Variants in PTRH1 observed in about 807,000 individuals in gnomAD.
PTRH1 encodes peptidyl-tRNA hydrolase.
Under a neutral mutation model 15.7 loss-of-function variants are expected in PTRH1, and 13 were observed. The ratio of observed to expected loss-of-function variants is 0.83; its 90% confidence interval spans 0.54 to 1.31. The LOEUF (loss-of-function observed/expected upper bound fraction) is 1.31, where lower values mean the gene tolerates loss of function less well. Among genes scored for constraint, PTRH1 ranks in the 40% most tolerant of loss-of-function variants. PTRH1 has a pLI of 0.00. For synonymous variants in PTRH1, 139 were observed against 136.7 expected (o/e 1.02, Z -0.12); for missense variants, 319 against 296.2 (o/e 1.08, Z -0.56).
chr9:127,705,011 G>T lies in PTRH1; in HGVS notation c.206-9870C>A, dbSNP rs149690737. On this transcript the variant is annotated intron_variant, in intron 1 of 2. Coordinates refer to the PTRH1 transcript ENST00000335223. This position sits in a 1 kb window ranked among gnomAD's most constrained non-coding sequence, Gnocchi z 4.7. ...GATCCTCCCACCTTGGCCTCTCAAA[G>T]TGCTGGGATTATAGGCATGAACCAG... Among the ~76,000 whole-genome samples the T allele has an allele frequency of 6.6e-6, 1 of 152,042 alleles. No individual in the cohort carries two copies. Among genetic ancestry groups the T allele is most frequent in the Non-Finnish European group, 1.5e-5 (1 of 68,026 alleles).
chr9:127,708,071 G>C (rs750438422), intron 1 of PTRH1, among the ~76,000 whole-genome samples: 2 of 152,168 alleles, frequency 1.3e-5, no homozygotes, highest in Non-Finnish European at 2.9e-5. Flanking sequence ...ACCAAGATGG[G>C]AGCCCTGGCC....
intron 1 of PTRH1, among the ~76,000 whole-genome samples, chr9:127,704,247 G>C (rs1261076553): frequency 2.0e-5 from 3 of 152,180 alleles, no homozygotes; most frequent in Non-Finnish European, 2.9e-5. Flanking sequence ...GATCATGCCT[G>C]TAATCCCAGC....
chr9:127,713,490 ATCTTTCTTTTT>A, downstream of PTRH1: 1 of 333,786 alleles, frequency 3.0e-6, no homozygotes, highest in Non-Finnish European at 5.3e-6. Flanking sequence ...CCAAGCCAGC[ATCTTTCTTTTT>A]TTTTTTTTTT....
chr9:127,699,724 A>AG (rs1175015883), intron 1 of PTRH1, among the ~76,000 whole-genome samples: 2 of 152,000 alleles, frequency 1.3e-5, no homozygotes, highest in East Asian at 3.8e-4. Flanking sequence ...GGGAAAAAAA[A>AG]AACAAAAAAA....
At chr9:127,697,738 A>T (rs1407197214) in intron 1 of PTRH1, among the ~76,000 whole-genome samples, 1 of 152,214 alleles carries the variant, frequency 6.6e-6, no homozygotes, top group African/African-American at 2.4e-5. Flanking sequence ...GTGGCAGACT[A>T]TGTGGAAGGA....
intron 1 of PTRH1, among the ~76,000 whole-genome samples, chr9:127,704,505 CAA>C (rs374789277): frequency 1.1e-3 from 55 of 50,440 alleles, no homozygotes; most frequent in African/African-American, 1.4e-3. Context: ...GACACTGTCT[CAA>C]AAAAAAAAAA....
chr9:127,696,508 C>T (rs1349068520), intron 1 of PTRH1, among the ~76,000 whole-genome samples: 2 of 152,132 alleles, frequency 1.3e-5, no homozygotes, highest in African/African-American at 2.4e-5. Context: ...CCAGTTAGTA[C>T]GTGGCAGAGA....
intron 1 of PTRH1, among the ~76,000 whole-genome samples, chr9:127,696,338 T>C (rs1842559787): frequency 6.6e-6 from 1 of 152,078 alleles, no homozygotes; most frequent in South Asian, 2.1e-4. Context: ...TGTCTGTAAA[T>C]AAATAATATA....
downstream of PTRH1, chr9:127,712,146 C>T: frequency 6.2e-7 from 1 of 1,601,894 alleles, no homozygotes; most frequent in East Asian, 2.2e-5. Flanking sequence ...CCCCAGGTGG[C>T]CCCAGTCCTG....
chr9:127,714,934 C>T (rs904613467), intron 2 of PTRH1, 41 bp downstream of exon 2: 7 of 645,814 alleles, frequency 1.1e-5, no homozygotes, highest in Non-Finnish European at 1.9e-5. Context: ...CAACCCCCAC[C>T]CCCTTGGCCC....
intron 2 of PTRH1, 31 bp downstream of exon 2, chr9:127,714,944 C>CAAGGGGG: frequency 2.6e-6 from 1 of 391,078 alleles, no homozygotes; most frequent in Non-Finnish European, 4.8e-6. Flanking sequence ...CCCCTTGGCC[C>CAAGGGGG]GCCCGCCCAC....
intron 2 of PTRH1, 32 bp from the exon 3 acceptor site, chr9:127,714,734 T>A (rs779499897): frequency 6.5e-7 from 1 of 1,543,662 alleles, no homozygotes; most frequent in Non-Finnish European, 8.9e-7. Context: ...CCCTGGTTAC[T>A]GCCCATCTGC....
At chr9:127,711,101 C>T (rs1258067659), downstream of PTRH1, 3 of 1,246,508 alleles carry the variant, frequency 2.4e-6, no homozygotes, top group Non-Finnish European at 3.3e-6. Flanking sequence ...CCCATAGCCC[C>T]AACCCTCCCA....
chr9:127,714,726 C>T, intron 2 of PTRH1, 24 bp from the exon 3 acceptor site: 1 of 1,577,242 alleles, frequency 6.3e-7, no homozygotes, highest in East Asian at 2.3e-5. Context: ...AACGGCAGCC[C>T]TGGTTACTGC....
At position 127,695,053 on chromosome 9, in the gene PTRH1, T is replaced by TTGACGA; in HGVS notation, c.293_294insTCGTCA (p.His97_Gln98insHisArg). On this transcript the variant is annotated inframe_insertion, in exon 2 of 3. Coordinates refer to the PTRH1 transcript ENST00000335223. ...AGGAAGCACAGTGAGGGCTCAGCCATTGATGATGATGATGATGATGATGAT... is the reference window on the plus strand; with the variant it reads ...AGGAAGCACAGTGAGGGCTCAGCCATTGACGATGATGATGATGATGATGATGATGAT... 3 of 671,456 alleles carry TTGACGA rather than the reference T, an allele frequency of 4.5e-6. No homozygotes were observed. In the South Asian group the frequency reaches 4.7e-5, roughly 11 times the overall value. 41.6% of individuals were successfully genotyped at this position (671,456 alleles called of 1,614,324 possible). A position where few individuals can be genotyped will look rare whatever the true frequency, so the allele number is the denominator to read the frequency against.
chr9:127,711,738 A>G, downstream of PTRH1: 1 of 1,470,432 alleles, frequency 6.8e-7, no homozygotes, highest in Non-Finnish European at 9.2e-7. Flanking sequence ...CGCTCTGCAT[A>G]GGGGAACACG....
chr9:127,713,850 C>G lies in PTRH1; in HGVS notation c.*250G>C, dbSNP rs1331503772. 15 of 1,613,844 alleles carry G rather than the reference C, an allele frequency of 9.3e-6. No individual in the cohort carries two copies. The highest frequency in any genetic ancestry group is 1.2e-5 in the Non-Finnish European group (14 of 1,179,976). ...ATCTTACAGATGCGTGCCCCTGGTT[C>G]TCTAAAAAGGCTTGAAAAGTTTAGT... On this transcript the variant is annotated 3_prime_UTR_variant, in exon 5 of 5. Coordinates refer to ENST00000543175, the MANE Select transcript of PTRH1 (RefSeq NM_001002913.3).
intron 3 of PTRH1, 49 bp downstream of exon 3, chr9:127,714,554 C>T (rs758455524): frequency 1.3e-6 from 2 of 1,597,332 alleles, no homozygotes; most frequent in Non-Finnish European, 1.7e-6. Context: ...TCCACCCCAA[C>T]TGGGAGGCCT....
chr9:127,711,271 T>C, downstream of PTRH1: 4 of 1,614,126 alleles, frequency 2.5e-6, no homozygotes, highest in Non-Finnish European at 3.4e-6. Context: ...TCGTGGCCAA[T>C]GAGTTCCACA....
Sources: allele counts gnomAD v4.1 joint callset (sites outside exome capture counted in the v4.1 genomes callset), GRCh38; gene constraint gnomAD v4.1.1; non-coding constraint Gnocchi (gnomAD v3.1); transcripts MANE v1.5; gene names NCBI Gene and HGNC (gene_info 2026-07-23, HGNC 2026-07-21).